The following POR variants were observed in gnomAD, a reference collection of about 807,000 sequenced individuals.
The protein encoded by POR is NADPH--cytochrome P450 reductase.
A neutral mutation model predicts 84.0 loss-of-function variants in POR; 56 were observed. That is an observed-to-expected ratio of 0.67 (90% confidence interval 0.54 to 0.83). POR has a LOEUF of 0.83. Among genes scored for constraint, POR ranks in the 40% least tolerant of loss-of-function variants. POR has a pLI of 0.00. For synonymous variants in POR, 414 were observed against 400.5 expected (o/e 1.03, Z -0.40); for missense variants, 938 against 944.3 (o/e 0.99, Z 0.09).
rs1180386481 is a variant in POR at position 75,986,635 on chromosome 7, GC to G, written c.*159del. The G allele has an allele frequency of 2.4e-5, 23 of 962,844 alleles. No individual in the cohort carries two copies. The Admixed American group carries it at 2.9e-4, about 12-fold the overall frequency. 59.6% of individuals were successfully genotyped at this position (962,844 alleles called of 1,614,324 possible). ...CTGGGCCTGGGGTGCATCCTCCTCA[GC>G]CCCCAGGCCAGGTGAGGTCCACCGG... is the stretch of plus-strand genomic sequence containing the variant. On this transcript the variant is annotated 3_prime_UTR_variant, in exon 16 of 16. Coordinates refer to ENST00000461988, the MANE Select transcript of POR (RefSeq NM_000941.3).
intron 3 of POR, among the ~76,000 whole-genome samples, chr7:75,978,966 T>G (rs992808130): frequency 6.6e-6 from 1 of 151,232 alleles, no homozygotes; most frequent in Non-Finnish European, 1.5e-5. Context: ...CCGGCTAATT[T>G]TTGTAGTTTT....
chr7:75,963,135 G>A (rs1208562967), intron 2 of POR, among the ~76,000 whole-genome samples: 1 of 152,190 alleles, frequency 6.6e-6, no homozygotes, highest in Non-Finnish European at 1.5e-5. Flanking sequence ...GCCAACAGAT[G>A]GGAAGTGGAT....
At position 75,956,160 on chromosome 7, in the gene POR, G is replaced by A. The variant is rs555500795; in HGVS notation, c.188+1980G>A. On this transcript the variant is annotated intron_variant, in intron 2 of 15. Coordinates refer to ENST00000461988, the MANE Select transcript of POR (RefSeq NM_000941.3). ...CCGAAAATACAAAAACTAGCTGGGCGTGGTGGTGCATGCCTGTAATTTCAG... is the reference window on the plus strand; with the variant it reads ...CCGAAAATACAAAAACTAGCTGGGCATGGTGGTGCATGCCTGTAATTTCAG... Among the ~76,000 whole-genome samples the A allele has an allele frequency of 2.6e-5, 4 of 152,262 alleles. No individual in the cohort carries two copies. In the East Asian group the frequency reaches 7.7e-4, roughly 29 times the overall value.
chr7:75,976,788 T>A (rs1308402455), intron 3 of POR, among the ~76,000 whole-genome samples: 1 of 152,110 alleles, frequency 6.6e-6, no homozygotes, highest in East Asian at 1.9e-4. Context: ...AACAATGATT[T>A]GTGGAAAATT....
chr7:75,979,181 CTTTG>C (rs1260591874), intron 3 of POR, among the ~76,000 whole-genome samples: 1 of 152,198 alleles, frequency 6.6e-6, no homozygotes, highest in Non-Finnish European at 1.5e-5. Context: ...CTTTTTTTAA[CTTTG>C]TTTTTTCCCC....
chr7:75,986,134 C>G, intron 14 of POR, 25 bp from the exon 15 acceptor site: 1 of 1,596,240 alleles, frequency 6.3e-7, no homozygotes, highest in South Asian at 1.1e-5. Flanking sequence ...CAGTGCCCCC[C>G]TCACAGCACC....
intron 1 of POR, chr7:75,943,795 C>T (rs782450703): frequency 6.2e-6 from 3 of 483,546 alleles, no homozygotes; most frequent in African/African-American, 2.0e-5. Flanking sequence ...CATTCTTAAA[C>T]CCTCTTGGTG....
chr7:75,969,839 TAC>T (rs1671361759), intron 2 of POR, among the ~76,000 whole-genome samples: 1 of 152,184 alleles, frequency 6.6e-6, no homozygotes, highest in African/African-American at 2.4e-5. Flanking sequence ...ATGGCAGGGA[TAC>T]ACAGACAGCC....
chr7:75,967,766 A>AG, intron 2 of POR: 1 of 292,642 alleles, frequency 3.4e-6, no homozygotes, highest in East Asian at 7.8e-5. Context: ...ATACAGAGGG[A>AG]GGAGGGGTGT....
chr7:75,979,162 A>C (rs1788856203), intron 3 of POR, among the ~76,000 whole-genome samples: 1 of 152,176 alleles, frequency 6.6e-6, no homozygotes, highest in African/African-American at 2.4e-5. Context: ...GGGGCTATAC[A>C]TTTGGTTACT....
At chr7:75,952,864 A>C (rs369952022) in intron 1 of POR, among the ~76,000 whole-genome samples, 17 of 142,952 alleles carry the variant, frequency 1.2e-4, no homozygotes, top group South Asian at 2.2e-4. Context: ...AGGGGCTCCT[A>C]ACATCCCAGA....
chr7:75,934,431 A>T (rs925610552), intron 1 of POR, among the ~76,000 whole-genome samples: 1 of 152,186 alleles, frequency 6.6e-6, no homozygotes, highest in Non-Finnish European at 1.5e-5. Context: ...AGGGAAGCGG[A>T]ATGTAAGTTT....
intron 2 of POR, among the ~76,000 whole-genome samples, chr7:75,969,852 C>T (rs576506611): frequency 3.9e-5 from 6 of 152,294 alleles, no homozygotes; most frequent in Non-Finnish European, 7.3e-5. Flanking sequence ...ACAGACAGCC[C>T]CCAAGGTTAT....
chr7:75,932,511 G>A (rs1807469885), intron 1 of POR, among the ~76,000 whole-genome samples: 2 of 151,914 alleles, frequency 1.3e-5, no homozygotes, highest in Admixed American at 6.6e-5. Flanking sequence ...ACTTATCAGT[G>A]GCTTACAAAG....
chr7:75,978,383 T>G (rs955707376), intron 3 of POR, among the ~76,000 whole-genome samples: 1 of 152,176 alleles, frequency 6.6e-6, no homozygotes, highest in Admixed American at 6.5e-5. Flanking sequence ...ATAGCAACTA[T>G]TTACAGAGAA....
In POR at chr7:75,925,285, A is replaced by T. The variant is rs147153009; in HGVS notation, c.-5+10106A>T. On this transcript the variant is annotated intron_variant, in intron 1 of 15. Coordinates refer to ENST00000461988, the MANE Select transcript of POR (RefSeq NM_000941.3). The stretch of plus-strand genomic sequence containing the variant: ...CACTCTGGGAGGCTGAGGCAGGAGG[A>T]TCACTTGTGGCCAGGAGTTTGAGAC... 2.7e-3 allele frequency among the ~76,000 whole-genome samples: 416 copies of T among 152,230 alleles called. 3 individuals are homozygous for T. The highest frequency in any genetic ancestry group is 9.4e-3 in the African/African-American group (390 of 41,534).
At chr7:75,982,442 G>A (rs1484095454) in intron 8 of POR, 120 bp downstream of exon 8, 20 of 773,376 alleles carry the variant, frequency 2.6e-5, no homozygotes, top group East Asian at 5.4e-5. Flanking sequence ...CCCGTGCCCC[G>A]AGTGGGTGTG....
chr7:75,928,168 A>G (rs1401611922), intron 1 of POR, among the ~76,000 whole-genome samples: 5 of 151,764 alleles, frequency 3.3e-5, no homozygotes, highest in African/African-American at 1.2e-4. Flanking sequence ...ATAGGGTTTC[A>G]CTATGTTGGC....
At chr7:75,931,378 T>TTTAC (rs1554550116) in intron 1 of POR, among the ~76,000 whole-genome samples, 1 of 149,492 alleles carries the variant, frequency 6.7e-6, no homozygotes, top group Non-Finnish European at 1.5e-5. Flanking sequence ...TATTTATTTA[T>TTTAC]TTATTTGAGA....
Sources: allele counts gnomAD v4.1 joint callset (sites outside exome capture counted in the v4.1 genomes callset), GRCh38; gene constraint gnomAD v4.1.1; transcripts MANE v1.5; gene names NCBI Gene and HGNC (gene_info 2026-07-23, HGNC 2026-07-21).